The following CAPZA1 variants were observed in gnomAD, a reference collection of about 807,000 sequenced individuals.
CAPZA1 encodes F-actin-capping protein subunit alpha-1.
A neutral mutation model predicts 40.8 loss-of-function variants in CAPZA1; 10 were observed. The observed-to-expected ratio is 0.25, with a 90% CI of 0.15 to 0.42. The LOEUF (loss-of-function observed/expected upper bound fraction) is 0.42. Ranked by LOEUF, CAPZA1 falls within the 10% of genes least tolerant of loss-of-function variation. The pLI is 1.00. For synonymous variants in CAPZA1, 98 were observed against 115.0 expected (o/e 0.85, Z 0.95); for missense variants, 277 against 353.8 (o/e 0.78, Z 1.74).
intron 7 of CAPZA1, among the ~76,000 whole-genome samples, chr1:112,666,149 CTG>C (rs1253742173): frequency 2.0e-5 from 3 of 152,186 alleles, no homozygotes; most frequent in African/African-American, 7.2e-5. Context: ...TCTTCACAGT[CTG>C]TGTTTCCACT....
chr1:112,669,163 A>G (rs1472489186), intron 8 of CAPZA1, among the ~76,000 whole-genome samples: 1 of 152,212 alleles, frequency 6.6e-6, no homozygotes. Flanking sequence ...ACCATTTTAA[A>G]CCAGAAATAT....
rs1671789945 is a variant in CAPZA1 at position 112,669,550 on chromosome 1, C to T, written c.665C>T (p.Ala222Val). 1.9e-6 allele frequency: 3 copies of T among 1,609,134 alleles called. No individual in the cohort carries two copies. The highest frequency in any genetic ancestry group is 2.6e-6 in the Non-Finnish European group (3 of 1,175,988). The change falls in exon 9 of 10, where the codon GCC (alanine) becomes GTC (valine). Residue 222 changes from alanine to valine, a missense_variant. Physicochemically the swap from Ala to Val is moderately conservative, Grantham distance 64. This residue lies in a region of CAPZA1 where 192 missense variants were observed against 277.2 expected (regional missense o/e 0.69). Coordinates refer to ENST00000263168, the MANE Select transcript of CAPZA1 (RefSeq NM_006135.3). ...TCTTCCTTCCTTCATTAGAATGAAGCCCAAACTGCCAAGGAGTTTATTAAA... is the reference window on the plus strand; with the variant it reads ...TCTTCCTTCCTTCATTAGAATGAAGTCCAAACTGCCAAGGAGTTTATTAAA... The part of the protein sequence containing the change: ...VQDSLTVSNE[A>V]QTAKEFIKII...
At chr1:112,665,025 C>G (rs1671695859) in intron 7 of CAPZA1, among the ~76,000 whole-genome samples, 2 of 152,134 alleles carry the variant, frequency 1.3e-5, no homozygotes. Flanking sequence ...AATAATAGCT[C>G]CTACAGCTAA....
chr1:112,655,810 G>A (rs1557735527), intron 5 of CAPZA1, among the ~76,000 whole-genome samples: 2 of 152,112 alleles, frequency 1.3e-5, no homozygotes, highest in Non-Finnish European at 2.9e-5. Context: ...TGATCCAGCT[G>A]CCTCGGACTC....
At chr1:112,666,836 A>G (rs1412488591) in intron 7 of CAPZA1, 29 of 471,526 alleles carry the variant, frequency 6.2e-5, no homozygotes, top group Non-Finnish European at 1.1e-4. Flanking sequence ...CATGTAATAA[A>G]TGTTTCTTGA....
At position 112,670,185 on chromosome 1, in the gene CAPZA1, G is replaced by A; in HGVS notation, c.*53G>A. The A allele has an allele frequency of 6.3e-7, 1 of 1,592,652 alleles. No individual in the cohort carries two copies. The highest frequency in any genetic ancestry group is 1.7e-5 in the Admixed American group (1 of 58,164). On this transcript the variant is annotated 3_prime_UTR_variant, in exon 10 of 10. Transcript: ENST00000263168. ...TGGAAAGACAAGGATTCAACGTGTG[G>A]TCATATGATAAATAAGTGATTTATA...
chr1:112,647,505 A>G (rs1170090167), intron 2 of CAPZA1, among the ~76,000 whole-genome samples: 1 of 152,250 alleles, frequency 6.6e-6, no homozygotes, highest in Admixed American at 6.5e-5. Flanking sequence ...TGCCTATCTT[A>G]TGTGAGAAAA....
At chr1:112,646,012 T>TTATATATAA (rs1671275129) in intron 1 of CAPZA1, among the ~76,000 whole-genome samples, 3 of 151,650 alleles carry the variant, frequency 2.0e-5, no homozygotes, top group South Asian at 4.1e-4. Context: ...GAAGAGCATA[T>TTATATATAA]TAATGGATTG....
chr1:112,661,262 G>A (rs1671602092), intron 7 of CAPZA1, among the ~76,000 whole-genome samples: 1 of 152,170 alleles, frequency 6.6e-6, no homozygotes, highest in Non-Finnish European at 1.5e-5. Flanking sequence ...GGTGAGACAG[G>A]CTGGTGTTGA....
At chr1:112,667,210 G>C in intron 8 of CAPZA1, 65 bp downstream of exon 8, 1 of 1,172,350 alleles carries the variant, frequency 8.5e-7, no homozygotes, top group South Asian at 1.3e-5. Context: ...AATTAGTTTT[G>C]ATCCTGAGTG....
Position 112,659,864 on chromosome 1 carries a change from T to G in CAPZA1, c.585+85T>G, listed in dbSNP as rs1671569992. On this transcript the variant is annotated intron_variant, in intron 7 of 9. Transcript: ENST00000263168. ...GCTTTGGTATTAAATAAGGACCAAG[T>G]ATGTGTAGATGCAAAGGGAGACTGA... 6.3e-6 allele frequency: 6 copies of G among 957,338 alleles called. No individual in the cohort carries two copies. In the Middle Eastern group the frequency reaches 6.4e-4, roughly 102 times the overall value. 59.3% of individuals were successfully genotyped at this position (957,338 alleles called of 1,614,324 possible).
chr1:112,637,892 A>G (rs1671052889), intron 1 of CAPZA1, among the ~76,000 whole-genome samples: 1 of 152,224 alleles, frequency 6.6e-6, no homozygotes, highest in Non-Finnish European at 1.5e-5. Flanking sequence ...TTGGAACACA[A>G]CCATGCTTAA....
At chr1:112,639,767 G>A (rs1204653088) in intron 1 of CAPZA1, among the ~76,000 whole-genome samples, 2 of 149,508 alleles carry the variant, frequency 1.3e-5, no homozygotes, top group South Asian at 2.1e-4. Context: ...TTGGCCAGCC[G>A]CCCCGTCCGG....
chr1:112,626,275 A>G (rs770393622), intron 1 of CAPZA1: 53 of 152,112 alleles, frequency 3.5e-4, no homozygotes, highest in African/African-American at 1.3e-3. Context: ...AATTGTAGGT[A>G]TATAGGAACT....
intron 1 of CAPZA1, among the ~76,000 whole-genome samples, chr1:112,643,228 ACG>A (rs1156868419): frequency 6.6e-6 from 1 of 152,198 alleles, no homozygotes; most frequent in Non-Finnish European, 1.5e-5. Flanking sequence ...CTTTATTGTA[ACG>A]GTTAGTCCTA....
intron 1 of CAPZA1, among the ~76,000 whole-genome samples, chr1:112,636,297 C>A (rs1296926994): frequency 6.6e-6 from 1 of 152,006 alleles, no homozygotes; most frequent in African/African-American, 2.4e-5. Flanking sequence ...TTGAATCTTG[C>A]AAGGATTGGT....
chr1:112,633,624 C>T (rs993254101), intron 1 of CAPZA1, among the ~76,000 whole-genome samples: 1 of 152,076 alleles, frequency 6.6e-6, no homozygotes, highest in Admixed American at 6.5e-5. Flanking sequence ...AGTGAATTTC[C>T]GAATCATATG....
intron 1 of CAPZA1, among the ~76,000 whole-genome samples, chr1:112,638,607 A>C (rs1671066726): frequency 6.6e-6 from 1 of 151,256 alleles, no homozygotes; most frequent in African/African-American, 2.4e-5. Context: ...GAGCCACCAC[A>C]CCCAGCCCAG....
intron 1 of CAPZA1, among the ~76,000 whole-genome samples, chr1:112,631,033 C>G (rs1252614283): frequency 1.3e-5 from 2 of 152,178 alleles, no homozygotes; most frequent in East Asian, 1.9e-4. Context: ...CTACCCCAGA[C>G]TAGTACATCA....
Sources: gnomAD v4.1 joint callset for allele counts (sites outside exome capture counted in the v4.1 genomes callset) on GRCh38, gnomAD v4.1.1 for gene constraint, gnomAD v4.1.1 regional missense constraint, MANE v1.5 for transcripts, NCBI Gene and HGNC (gene_info 2026-07-23, HGNC 2026-07-21) for gene names.